The following TMEM237 variants were observed in gnomAD, a reference collection of about 807,000 sequenced individuals.
The protein encoded by TMEM237 is amyotrophic lateral sclerosis 2 (juvenile) chromosome region, candidate 4.
TMEM237 carries 51 observed loss-of-function variants against 59.1 expected under a neutral mutation model. The observed-to-expected ratio is 0.86, with a 90% CI of 0.69 to 1.09. TMEM237 has a LOEUF of 1.09. Among genes scored for constraint, TMEM237 ranks in the 50% least tolerant of loss-of-function variants. The probability of loss-of-function intolerance (pLI) is 0.00; values close to 1 mark genes in which losing one functional copy is unlikely to be tolerated. For missense variants in TMEM237, 475 were observed against 478.3 expected (o/e 0.99, Z 0.06); for synonymous variants, 140 against 166.1 (o/e 0.84, Z 1.21).
At chr2:201,629,072 T>C (rs557257638) in intron 9 of TMEM237, among the ~76,000 whole-genome samples, 158 bp downstream of exon 9, 1 of 152,154 alleles carries the variant, frequency 6.6e-6, no homozygotes, top group Non-Finnish European at 1.5e-5. Flanking sequence ...AATGGTCTCA[T>C]CCCCTCAAAA....
rs1957729836 is a variant in TMEM237, at chr2:201,623,544, G to A, written c.*711C>T. On this transcript the variant is annotated 3_prime_UTR_variant, in exon 13 of 13. Transcript: ENST00000409883. Reference sequence around the variant, plus strand: ...ACAGGTCTCTCCTTTATTCCCCTGAGCCTTGCCCTGCTCAGCCTCTTTTGC... The same window carrying A: ...ACAGGTCTCTCCTTTATTCCCCTGAACCTTGCCCTGCTCAGCCTCTTTTGC... 6.5e-6 allele frequency: 1 copy of A among 153,240 alleles called. No individual in the cohort carries two copies. Among genetic ancestry groups the A allele is most frequent in the Admixed American group, 6.5e-5 (1 of 15,402 alleles). The allele number at this position is 153,240 out of a possible 1,614,324, so 9.5% of individuals were successfully genotyped here. A position where few individuals can be genotyped will look rare whatever the true frequency, so the allele number is the denominator to read the frequency against.
At chr2:201,631,924 C>T in intron 7 of TMEM237, 127 bp downstream of exon 7, 6 of 959,070 alleles carry the variant, frequency 6.3e-6, no homozygotes, top group Middle Eastern at 6.7e-4. Context: ...AGCATGATGA[C>T]CAGTTTTGTG....
At chr2:201,637,890 T>C (rs1687333394) in intron 4 of TMEM237, among the ~76,000 whole-genome samples, 2 of 152,138 alleles carry the variant, frequency 1.3e-5, no homozygotes, top group Admixed American at 6.5e-5. Context: ...TATTGTCCAA[T>C]GTTGTTAAGG....
chr2:201,642,900 T>G, intron 1 of TMEM237: 1 of 1,337,788 alleles, frequency 7.5e-7, no homozygotes, highest in Non-Finnish European at 9.5e-7. Context: ...CAATCACAGC[T>G]TTCCCGTGGT....
chr2:201,627,707 T>C (rs1342763323), intron 10 of TMEM237, among the ~76,000 whole-genome samples: 3 of 152,168 alleles, frequency 2.0e-5, no homozygotes, highest in Non-Finnish European at 2.9e-5. Flanking sequence ...ACTAGTTTTA[T>C]TAATATTCTC....
intron 4 of TMEM237, among the ~76,000 whole-genome samples, chr2:201,637,336 A>G (rs937350047): frequency 3.9e-5 from 6 of 152,250 alleles, no homozygotes; most frequent in Admixed American, 3.3e-4. Context: ...CAGGTAATTT[A>G]TAAGTCTCTT....
chr2:201,626,077 C>T lies in TMEM237; in HGVS notation c.1108G>A (p.Gly370Arg). The change falls in exon 12 of 13, where the codon GGA (glycine) becomes AGA (arginine). Residue 370 changes from glycine (G) to arginine (R), a missense_variant. Coordinates refer to ENST00000409883, the MANE Select transcript of TMEM237 (RefSeq NM_001044385.3). Reference sequence around the variant, plus strand: ...TAAGACAAAAATAGCCAAGATAATCCAACCAGAAGAGCCACCACGAGATTC... The same window carrying T: ...TAAGACAAAAATAGCCAAGATAATCTAACCAGAAGAGCCACCACGAGATTC... ...VVNLVVALLVGLSWLFLSYRP... is the reference protein window; with the variant it reads ...VVNLVVALLVRLSWLFLSYRP... 6.2e-7 allele frequency: 1 copy of T among 1,606,416 alleles called. No individual in the cohort carries two copies. Among genetic ancestry groups the T allele is most frequent in the Admixed American group, 1.7e-5 (1 of 59,094 alleles).
chr2:201,632,792 C>T (rs368948640), intron 6 of TMEM237, among the ~76,000 whole-genome samples: 4 of 152,264 alleles, frequency 2.6e-5, no homozygotes, highest in Middle Eastern at 3.4e-3. Flanking sequence ...AGTGTGAGAA[C>T]GGACTAACAC....
intron 7 of TMEM237, 41 bp from the exon 8 acceptor site, chr2:201,629,893 G>C (rs772682143): frequency 6.3e-7 from 1 of 1,585,982 alleles, no homozygotes; most frequent in South Asian, 1.2e-5. Flanking sequence ...TAGCGAGAGA[G>C]AACCCTGGTA....
chr2:201,640,960 A>T (rs779139733), intron 1 of TMEM237, 36 bp from the exon 2 acceptor site: 16 of 1,585,722 alleles, frequency 1.0e-5, no homozygotes, highest in African/African-American at 1.3e-5. Flanking sequence ...TGTAAGTAAA[A>T]GCCTAGAGCA....
chr2:201,629,662 A>T (rs1957791452), intron 8 of TMEM237, 67 bp downstream of exon 8: 1 of 1,555,032 alleles, frequency 6.4e-7, no homozygotes, highest in Admixed American at 2.3e-5. Context: ...CCAAGAGGTT[A>T]TTTTTTTCTT....
At chr2:201,636,654 T>A (rs957840383) in intron 5 of TMEM237, 94 bp downstream of exon 5, 423 of 1,405,580 alleles carry the variant, frequency 3.0e-4, no homozygotes, top group Middle Eastern at 7.3e-4. Context: ...CTGTGGGATA[T>A]GGATAGGGGG....
At position 201,640,243 on chromosome 2, in the gene TMEM237, T is replaced by C; in HGVS notation, c.79+18A>G. ...ATTTTTGAACACCAAATATTATATTTACATTAAACTAACTCACCTTGACTA... is the reference window on the plus strand; with the variant it reads ...ATTTTTGAACACCAAATATTATATTCACATTAAACTAACTCACCTTGACTA... On this transcript the variant is annotated intron_variant, in intron 3 of 12. Transcript: ENST00000409883. 2 of 1,548,918 alleles carry C rather than the reference T, an allele frequency of 1.3e-6. No homozygotes were observed. Among genetic ancestry groups the C allele is most frequent in the Non-Finnish European group, 1.7e-6 (2 of 1,157,572 alleles).
At chr2:201,640,172 C>T (rs912867571) in intron 3 of TMEM237, 89 bp downstream of exon 3, 3 of 1,044,960 alleles carry the variant, frequency 2.9e-6, no homozygotes, top group African/African-American at 1.6e-5. Context: ...ACAAATTACA[C>T]CATTCAGACT....
chr2:201,634,225 T>C (rs1687250500), intron 5 of TMEM237, among the ~76,000 whole-genome samples: 1 of 152,168 alleles, frequency 6.6e-6, no homozygotes, highest in Non-Finnish European at 1.5e-5. Context: ...ACAGGGTAGG[T>C]ATTAAGTTTA....
chr2:201,624,284 T>G lies in TMEM237; in HGVS notation c.1198A>C (p.Lys400Gln), dbSNP rs907547214. The G allele has an allele frequency of 6.2e-7, 1 of 1,612,430 alleles. No individual in the cohort carries two copies. The highest frequency in any genetic ancestry group is 1.3e-5 in the African/African-American group (1 of 75,028). ...GAAGAGGCTTTGATTTCTTTCTCTT[T>G]ATCAGGATATTCTTCCACCTCTGAG... ...FSSEVEEYPD[K>Q]EKEIKASS is the part of the protein sequence containing the mutation. Residue 400 changes from lysine (K) to glutamine (Q), a missense_variant, in exon 13 of 13, where the codon AAA (lysine) becomes CAA (glutamine). By Grantham distance (53) the Lys-to-Gln change is moderately conservative. Coordinates refer to ENST00000409883, the MANE Select transcript of TMEM237 (RefSeq NM_001044385.3).
chr2:201,625,353 C>A (rs1156438288), intron 12 of TMEM237, among the ~76,000 whole-genome samples: 1 of 151,264 alleles, frequency 6.6e-6, no homozygotes, highest in Non-Finnish European at 1.5e-5. Context: ...CACAGCGAGA[C>A]TCCATCTCCA....
rs1957786842 is a variant in TMEM237, at chr2:201,629,268, G to A, written c.831C>T (p.Tyr277=). 6.3e-7 allele frequency: 1 copy of A among 1,592,454 alleles called. No homozygotes were observed. ...TLAYPFQSLL[Y]LLLALSTISA... ...AAATTGTACTCAGAGCCAAAAGCAAGTACAGAAGACTCTGGAATGGATACG... is the reference window on the plus strand; with the variant it reads ...AAATTGTACTCAGAGCCAAAAGCAAATACAGAAGACTCTGGAATGGATACG... The change falls in exon 9 of 13, where the codon TAC becomes TAT. Residue 277 remains tyrosine (Y), a synonymous_variant. Coordinates refer to ENST00000409883, the MANE Select transcript of TMEM237 (RefSeq NM_001044385.3).
At position 201,643,441 on chromosome 2, in the gene TMEM237, G is replaced by T. The variant is rs775786085; in HGVS notation, c.-41C>A. ...GGGCTGCCCCGGCGCAACCGCCGGC[G>T]GCCCGAGCCCAGCTCCCCGCGACGC... On this transcript the variant is annotated 5_prime_UTR_variant, in exon 1 of 13. Transcript: ENST00000409883. The surrounding 1 kb of genome is among the most constrained non-coding windows in gnomAD (Gnocchi z 4.3). 1.2e-5 allele frequency: 17 copies of T among 1,470,690 alleles called. No individual in the cohort carries two copies. The highest frequency in any genetic ancestry group is 1.4e-5 in the Non-Finnish European group (15 of 1,108,912). The allele number at this position is 1,470,690 out of a possible 1,614,324, so 91.1% of individuals were successfully genotyped here.
Sources: allele counts gnomAD v4.1 joint callset (sites outside exome capture counted in the v4.1 genomes callset), GRCh38; gene constraint gnomAD v4.1.1; non-coding constraint Gnocchi (gnomAD v3.1); transcripts MANE v1.5; gene names NCBI Gene and HGNC (gene_info 2026-07-23, HGNC 2026-07-21).